ERBB4: variants seen among roughly 807,000 people sequenced by gnomAD.
ERBB4 encodes erb-b2 receptor tyrosine kinase 4, also known as receptor tyrosine-protein kinase erbB-4.
ERBB4 carries 42 observed loss-of-function variants against 158.0 expected under a neutral mutation model. The ratio of observed to expected loss-of-function variants is 0.27; its 90% CI spans 0.21 to 0.34. The LOEUF (loss-of-function observed/expected upper bound fraction) is 0.34, where lower values mean the gene tolerates loss of function less well. ERBB4 is among the 10% of genes least tolerant of loss of function. The probability of loss-of-function intolerance (pLI) is 1.00; values close to 1 mark genes in which losing one functional copy is unlikely to be tolerated. For synonymous variants in ERBB4, 583 were observed against 558.7 expected, an observed-to-expected ratio of 1.04 and a Z score of -0.61; for missense variants, 1,333 against 1,624.1, an observed-to-expected ratio of 0.82 and a Z score of 3.08.
At chr2:212,189,482 A>G (rs905182101) in intron 1 of ERBB4, among the ~76,000 whole-genome samples, 1 of 152,162 alleles carries the variant, frequency 6.6e-6, no homozygotes, top group African/African-American at 2.4e-5. Context: ...ACTCTGATCC[A>G]CCTTCAAATG....
At chr2:211,834,724 C>A (rs2077302635) in intron 3 of ERBB4, among the ~76,000 whole-genome samples, 1 of 152,004 alleles carries the variant, frequency 6.6e-6, no homozygotes, top group African/African-American at 2.4e-5. Flanking sequence ...GATATCAATA[C>A]AATTTGTTGT....
At chr2:211,861,321 A>G (rs1358977382) in intron 3 of ERBB4, among the ~76,000 whole-genome samples, 1 of 125,548 alleles carries the variant, frequency 8.0e-6, no homozygotes, top group Non-Finnish European at 1.6e-5. Flanking sequence ...CCATCAGTCC[A>G]GGCGTGTTTT....
In ERBB4 at chr2:211,502,374, A is replaced by G. The variant is rs144008330; in HGVS notation, c.2487+59529T>C. On this transcript the variant is annotated intron_variant, in intron 20 of 27. Coordinates refer to ENST00000342788, the MANE Select transcript of ERBB4 (RefSeq NM_005235.3). The stretch of plus-strand genomic sequence containing the variant: ...AAAGCTAATATATTGAGTGGATAAC[A>G]GTTTCTGAATCTGTCTCAAAGGTTA... 2.7e-3 allele frequency among the ~76,000 whole-genome samples: 413 copies of G among 152,280 alleles called. 4 individuals carry two copies. Among genetic ancestry groups the G allele is most frequent in the African/African-American group, 9.3e-3 (388 of 41,576 alleles).
intron 3 of ERBB4, among the ~76,000 whole-genome samples, chr2:211,881,034 C>G (rs544522706): frequency 5.9e-5 from 9 of 152,286 alleles, no homozygotes; most frequent in African/African-American, 1.4e-4. Flanking sequence ...GACCATGGCA[C>G]TCAGATCAGC....
At chr2:212,073,878 T>C (rs940461444) in intron 2 of ERBB4, among the ~76,000 whole-genome samples, 1 of 152,056 alleles carries the variant, frequency 6.6e-6, no homozygotes, top group South Asian at 2.1e-4. Context: ...TGTGAAAATA[T>C]GTTTAACACA....
chr2:212,399,710 CA>C (rs774502441), intron 1 of ERBB4, among the ~76,000 whole-genome samples: 3,292 of 106,470 alleles, frequency 0.031, 221 homozygotes, highest in African/African-American at 0.093. Flanking sequence ...ACTAAAAATA[CA>C]AAAAAAAAAA....
At chr2:212,065,298 A>G (rs2077909774) in intron 2 of ERBB4, among the ~76,000 whole-genome samples, 2 of 152,020 alleles carry the variant, frequency 1.3e-5, no homozygotes, top group Non-Finnish European at 2.9e-5. Flanking sequence ...TCCTTTGTGA[A>G]ATAAAGCACT....
chr2:211,727,081 G>C (rs915401295), intron 5 of ERBB4, among the ~76,000 whole-genome samples: 1 of 152,070 alleles, frequency 6.6e-6, no homozygotes, highest in Non-Finnish European at 1.5e-5. Flanking sequence ...TCTCACTATT[G>C]CTTCTGAACA....
rs577559376 is a variant in ERBB4 at position 211,438,143 on chromosome 2, A to G, written c.2488-7043T>C. Reference sequence around the variant, plus strand: ...CATATTGTTAACTAGGTTTATGACCACAGGTACTCATTTCACCTCTGCTAT... The same window carrying G: ...CATATTGTTAACTAGGTTTATGACCGCAGGTACTCATTTCACCTCTGCTAT... On this transcript the variant is annotated intron_variant, in intron 20 of 27. Coordinates refer to ENST00000342788, the MANE Select transcript of ERBB4 (RefSeq NM_005235.3). Among the ~76,000 whole-genome samples the G allele has an allele frequency of 2.3e-4, 35 of 152,318 alleles. No individual in the cohort carries two copies. In the South Asian group the frequency reaches 6.8e-3, roughly 30 times the overall value.
chr2:212,202,189 G>T (rs2082606070), intron 1 of ERBB4, among the ~76,000 whole-genome samples: 1 of 151,920 alleles, frequency 6.6e-6, no homozygotes, highest in African/African-American at 2.4e-5. Flanking sequence ...ATTTAAAATG[G>T]TGGTGCGAAA....
In ERBB4 at chr2:211,679,127, C is replaced by A; in HGVS notation, c.1547G>T (p.Gly516Val). Residue 516 changes from glycine to valine, a missense_variant, in exon 13 of 28, where the codon GGG becomes GTG. By Grantham distance (109) the Gly-to-Val change is moderately radical. Coordinates refer to ENST00000342788, the MANE Select transcript of ERBB4 (RefSeq NM_005235.3). The part of the protein sequence containing the change: ...LCSSDGCWGP[G>V]PDQCLSCRRF... ...GCGACACGACAGACATTGGTCTGGC[C>A]CAGGTCCCCAACAGCCATCACTGGA... 1.2e-6 allele frequency: 2 copies of A among 1,613,874 alleles called. No individual in the cohort carries two copies. The highest frequency in any genetic ancestry group is 1.7e-6 in the Non-Finnish European group (2 of 1,179,904).
In ERBB4 at chr2:211,562,072, G is replaced by A. The variant is rs1374553125; in HGVS notation, c.2318C>T (p.Ala773Val). The change falls in exon 20 of 28, where the codon GCA becomes GTA. Residue 773 changes from alanine (A) to valine (V), a missense_variant. Ala to Val is a moderately conservative substitution (Grantham distance 64). This residue lies in a region of ERBB4 where 314 missense variants were observed against 437.6 expected (regional missense o/e 0.72). Transcript: ENST00000342788. ...GACTAGGTGTGGATGATCCATACTT[G>A]CCATGATCAGAGCTTCCTGTAAGAA... is the stretch of plus-strand genomic sequence containing the variant. Reference protein sequence around the residue: ...VEFMDEALIMASMDHPHLVRL... With the variant: ...VEFMDEALIMVSMDHPHLVRL... 2 of 1,613,558 alleles carry A rather than the reference G, an allele frequency of 1.2e-6. No individual in the cohort carries two copies. The highest frequency in any genetic ancestry group is 1.1e-5 in the South Asian group (1 of 91,082).
chr2:212,057,112 A>T (rs1034136345), intron 2 of ERBB4, among the ~76,000 whole-genome samples: 1 of 152,224 alleles, frequency 6.6e-6, no homozygotes, highest in Non-Finnish European at 1.5e-5. Context: ...AAACAAAAAA[A>T]AGGCAGCGGT....
chr2:211,553,690 T>C (rs553686148), intron 20 of ERBB4, among the ~76,000 whole-genome samples: 1 of 152,270 alleles, frequency 6.6e-6, no homozygotes, highest in African/African-American at 2.4e-5. Flanking sequence ...AGCACTGTTA[T>C]CCCCCTTTTC....
chr2:211,450,142 G>A (rs935641101), intron 20 of ERBB4, among the ~76,000 whole-genome samples: 2 of 152,302 alleles, frequency 1.3e-5, no homozygotes, highest in East Asian at 1.9e-4. Context: ...GAATACATGT[G>A]CAGAACTGGG....
intron 1 of ERBB4, among the ~76,000 whole-genome samples, chr2:212,202,677 T>C (rs1365529846): frequency 6.6e-6 from 1 of 152,194 alleles, no homozygotes. Context: ...TTTATCTTCA[T>C]GATACAATAC....
intron 1 of ERBB4, among the ~76,000 whole-genome samples, chr2:212,137,596 C>T (rs1351345017): frequency 6.6e-6 from 1 of 152,130 alleles, no homozygotes; most frequent in Non-Finnish European, 1.5e-5. Context: ...TAGGTTGATT[C>T]CATGTATTTG....
At chr2:212,111,632 CTT>C (rs35995325) in intron 2 of ERBB4, among the ~76,000 whole-genome samples, 18 of 149,730 alleles carry the variant, frequency 1.2e-4, no homozygotes, top group African/African-American at 3.7e-4. Flanking sequence ...TTTCTCTATT[CTT>C]TTTTTTTTTA....
intron 3 of ERBB4, among the ~76,000 whole-genome samples, chr2:211,808,210 GT>G (rs2076664349): frequency 6.6e-6 from 1 of 152,166 alleles, no homozygotes; most frequent in Non-Finnish European, 1.5e-5. Flanking sequence ...CCATGCCTAT[GT>G]CCTGAATGGT....
Sources: gnomAD v4.1 joint callset for allele counts (sites outside exome capture counted in the v4.1 genomes callset) on GRCh38, gnomAD v4.1.1 for gene constraint, gnomAD v4.1.1 regional missense constraint, MANE v1.5 for transcripts, NCBI Gene and HGNC (gene_info 2026-07-23, HGNC 2026-07-21) for gene names.